The following ACAD9 variants were observed in gnomAD, a reference collection of about 807,000 sequenced individuals.
The protein encoded by ACAD9 is complex I assembly factor ACAD9, mitochondrial.
In ACAD9, 53 loss-of-function variants were observed where a neutral mutation model predicts 70.2. The observed-to-expected ratio is 0.75, with a 90% CI of 0.61 to 0.95. ACAD9 has a LOEUF of 0.95. Ranked by LOEUF, ACAD9 falls within the 40% of genes least tolerant of loss-of-function variation. ACAD9 has a pLI of 0.00. For missense variants in ACAD9, 777 were observed against 802.8 expected (o/e 0.97, Z 0.39); for synonymous variants, 313 against 312.1 (o/e 1.00, Z -0.03).
chr3:128,908,631 A>G (rs572685672), intron 13 of ACAD9: 34 of 530,478 alleles, frequency 6.4e-5, no homozygotes, highest in African/African-American at 5.9e-4. Flanking sequence ...TCTTCCCCTC[A>G]TGCTCCCCTC....
rs956139207 is a variant in ACAD9, at chr3:128,910,378, C to T, written c.1692+229C>T. The T allele has an allele frequency of 1.2e-5, 17 of 1,451,788 alleles. No homozygotes were observed. In the Middle Eastern group the frequency reaches 6.3e-4, roughly 54 times the overall value. 89.9% of individuals were successfully genotyped at this position (1,451,788 alleles called of 1,614,324 possible). ...GTGACAGGGGTTCCTGATCCCAGTG[C>T]CCCTACCCCCAGCAAGGGACAGACC... On this transcript the variant is annotated intron_variant, in intron 16 of 17. Coordinates refer to ENST00000308982, the MANE Select transcript of ACAD9 (RefSeq NM_014049.5).
Position 128,897,784 on chromosome 3 carries a change from C to T in ACAD9, c.633+74C>T, listed in dbSNP as rs977570122. 5.4e-5 allele frequency: 71 copies of T among 1,325,306 alleles called. 2 individuals are homozygous for T. Among genetic ancestry groups the T allele is most frequent in the East Asian group, 3.9e-4 (16 of 41,258 alleles). The allele number at this position is 1,325,306 out of a possible 1,614,324, so 82.1% of individuals were successfully genotyped here. A position where few individuals can be genotyped will look rare whatever the true frequency, so the allele number is the denominator to read the frequency against. On this transcript the variant is annotated intron_variant, in intron 6 of 17. Coordinates refer to ENST00000308982, the MANE Select transcript of ACAD9 (RefSeq NM_014049.5). Reference sequence around the variant, plus strand: ...ACTGCCACTGAGTGAGCACTCTCCACACACCAGGGATTGTACCTGCTGCTG... The same window carrying T: ...ACTGCCACTGAGTGAGCACTCTCCATACACCAGGGATTGTACCTGCTGCTG...
intron 11 of ACAD9, 70 bp from the exon 12 acceptor site, chr3:128,906,051 C>A (rs1935879071): frequency 6.2e-7 from 1 of 1,610,972 alleles, no homozygotes; most frequent in Non-Finnish European, 8.5e-7. Context: ...CCTCCCATGC[C>A]TCCCCAGCCA....
chr3:128,891,996 A>G (rs900868271), intron 2 of ACAD9, among the ~76,000 whole-genome samples: 4 of 152,228 alleles, frequency 2.6e-5, no homozygotes, highest in Non-Finnish European at 1.5e-5. Context: ...ACACGCAACA[A>G]CACGGGTGAA....
chr3:128,901,395 G>A, intron 8 of ACAD9, 46 bp downstream of exon 8: 1 of 1,600,732 alleles, frequency 6.2e-7, no homozygotes, highest in Non-Finnish European at 8.6e-7. Context: ...TGTCATGAGT[G>A]CAGTTTGTCG....
At chr3:128,910,986 C>A (rs954180980) in intron 17 of ACAD9, among the ~76,000 whole-genome samples, 173 bp downstream of exon 17, 8 of 152,190 alleles carry the variant, frequency 5.3e-5, no homozygotes, top group Non-Finnish European at 1.0e-4. Context: ...GCCCACCAGG[C>A]ACTGTAGGTG....
intron 15 of ACAD9, chr3:128,909,809 T>C: frequency 1.4e-6 from 1 of 709,692 alleles, no homozygotes; most frequent in Non-Finnish European, 2.4e-6. Flanking sequence ...TGGTCTTGCC[T>C]TAACCCCTCC....
intron 13 of ACAD9, 121 bp from the exon 14 acceptor site, chr3:128,908,852 G>T: frequency 6.6e-7 from 1 of 1,513,770 alleles, no homozygotes. Context: ...CTGTAGCCAG[G>T]GGCCCAGCAT....
rs547898326 is a variant in ACAD9 at position 128,899,487 on chromosome 3, G to A, written c.808+26G>A. The stretch of plus-strand genomic sequence containing the variant: ...GTAAGTAGCTCCTGTGCGCGCGTGC[G>A]CGTGTGTGTGTGTAAGGGGGAGACT... On this transcript the variant is annotated intron_variant, in intron 7 of 17. Coordinates refer to ENST00000308982, the MANE Select transcript of ACAD9 (RefSeq NM_014049.5). 9.5e-5 allele frequency: 153 copies of A among 1,611,338 alleles called. No individual in the cohort carries two copies. Among genetic ancestry groups the A allele is most frequent in the Middle Eastern group, 6.6e-4 (4 of 6,040 alleles).
At chr3:128,910,650 T>C in intron 16 of ACAD9, 91 bp from the exon 17 acceptor site, 3 of 1,381,204 alleles carry the variant, frequency 2.2e-6, no homozygotes, top group Non-Finnish European at 2.1e-6. Flanking sequence ...CCTGCCATGC[T>C]ACCCAGTTTG....
intron 3 of ACAD9, among the ~76,000 whole-genome samples, chr3:128,894,507 C>T (rs957193213): frequency 6.7e-6 from 1 of 150,372 alleles, no homozygotes; most frequent in Admixed American, 6.6e-5. Context: ...CACAGAAATG[C>T]GCTTTCTGAG....
intron 17 of ACAD9, among the ~76,000 whole-genome samples, chr3:128,911,028 T>C (rs1332069194): frequency 1.3e-5 from 2 of 152,170 alleles, no homozygotes; most frequent in African/African-American, 4.8e-5. Flanking sequence ...GGCAGTTGTA[T>C]GTATATATGT....
At chr3:128,909,276 C>T (rs749034453) in intron 14 of ACAD9, 68 bp from the exon 15 acceptor site, 31 of 1,601,702 alleles carry the variant, frequency 1.9e-5, no homozygotes, top group Admixed American at 5.0e-5. Context: ...GCCTGGTACC[C>T]GGGCTGTGAG....
chr3:128,884,579 C>G (rs564971522), intron 1 of ACAD9, 74 bp from the exon 2 acceptor site: 2 of 1,116,492 alleles, frequency 1.8e-6, no homozygotes, highest in African/African-American at 3.1e-5. Context: ...GTTTTTCCTT[C>G]CCTTTTAACT....
chr3:128,882,487 C>T (rs1334370249), intron 1 of ACAD9, among the ~76,000 whole-genome samples: 1 of 152,186 alleles, frequency 6.6e-6, no homozygotes, highest in Non-Finnish European at 1.5e-5. Flanking sequence ...TGGATCAGGC[C>T]AGTGTCATCT....
chr3:128,900,537 T>G (rs1023309716), intron 7 of ACAD9, among the ~76,000 whole-genome samples: 6 of 151,744 alleles, frequency 4.0e-5, no homozygotes, highest in African/African-American at 1.5e-4. Context: ...TTTTTTTTTT[T>G]TTTTAAATAG....
intron 1 of ACAD9, among the ~76,000 whole-genome samples, chr3:128,880,323 C>T (rs1005331170): frequency 6.6e-6 from 1 of 152,216 alleles, no homozygotes; most frequent in African/African-American, 2.4e-5. Context: ...TGGCACAACC[C>T]AGCCAATAGT....
In ACAD9 at chr3:128,910,939, C is replaced by T. The variant is rs530495124; in HGVS notation, c.1765+126C>T. 2.1e-4 allele frequency: 247 copies of T among 1,203,334 alleles called. 2 individuals are homozygous for T. The African/African-American group carries it at 3.4e-3, about 17-fold the overall frequency. 74.5% of individuals were successfully genotyped at this position (1,203,334 alleles called of 1,614,324 possible). A position where few individuals can be genotyped will look rare whatever the true frequency, so the allele number is the denominator to read the frequency against. The stretch of plus-strand genomic sequence containing the variant: ...GCTACTCACAGACCTCTGCCTTGAG[C>T]GAGGGCCTGGGTAGGCCTGGGCTTA... On this transcript the variant is annotated intron_variant, in intron 17 of 17. Transcript: ENST00000308982.
In ACAD9 at chr3:128,893,644, C is replaced by T. The variant is rs1292661874; in HGVS notation, c.334C>T (p.Pro112Ser). The stretch of plus-strand genomic sequence containing the variant: ...CCTAGGGCTTTTTGGGCTGCAAGTC[C>T]CAGAAGAATATGGTAAGTCAAGCAA... The part of the protein sequence containing the change: ...KSLGLFGLQV[P>S]EEYGGLGFSN... Residue 112 changes from proline (P) to serine (S), a missense_variant, in exon 3 of 18, where the codon CCA becomes TCA. Pro to Ser is a moderately conservative substitution (Grantham distance 74). Coordinates refer to ENST00000308982, the MANE Select transcript of ACAD9 (RefSeq NM_014049.5). 2 of 1,613,806 alleles carry T rather than the reference C, an allele frequency of 1.2e-6. No individual in the cohort carries two copies. The highest frequency in any genetic ancestry group is 8.5e-7 in the Non-Finnish European group (1 of 1,179,782).
Sources: allele counts gnomAD v4.1 joint callset (sites outside exome capture counted in the v4.1 genomes callset), GRCh38; gene constraint gnomAD v4.1.1; transcripts MANE v1.5; gene names NCBI Gene and HGNC (gene_info 2026-07-23, HGNC 2026-07-21).